The following ZMAT4 variants were observed in gnomAD, a reference collection of about 807,000 sequenced individuals.
ZMAT4 encodes the protein zinc finger matrin-type protein 4.
ZMAT4 carries 17 observed loss-of-function variants against 28.7 expected under a neutral mutation model. The observed-to-expected ratio is 0.59, with a 90% CI of 0.41 to 0.89. The LOEUF is 0.89. Ranked by LOEUF, ZMAT4 falls within the 40% of genes least tolerant of loss-of-function variation. The pLI is 0.00. For missense variants in ZMAT4, 240 were observed against 283.8 expected (o/e 0.85, Z 1.11); for synonymous variants, 117 against 109.2 (o/e 1.07, Z -0.44).
intron 3 of ZMAT4, among the ~76,000 whole-genome samples, chr8:40,700,211 C>G (rs1810073125): frequency 6.6e-6 from 1 of 151,724 alleles, no homozygotes; most frequent in African/African-American, 2.4e-5. Flanking sequence ...GAACTAGAGT[C>G]TCATATTGGA....
intron 5 of ZMAT4, among the ~76,000 whole-genome samples, chr8:40,604,972 T>A (rs534205873): frequency 6.6e-6 from 1 of 152,128 alleles, no homozygotes; most frequent in Non-Finnish European, 1.5e-5. Flanking sequence ...TATGCATAAA[T>A]GTGCTCATAG....
intron 3 of ZMAT4, among the ~76,000 whole-genome samples, chr8:40,708,125 C>T (rs1396540520): frequency 1.3e-5 from 2 of 152,160 alleles, no homozygotes; most frequent in Non-Finnish European, 1.5e-5. Flanking sequence ...CCAGTAATAG[C>T]ACAAAATCTG....
chr8:40,849,359 G>A (rs556729233), intron 1 of ZMAT4, among the ~76,000 whole-genome samples: 14 of 152,232 alleles, frequency 9.2e-5, no homozygotes, highest in African/African-American at 2.9e-4. Context: ...TTATTTACTC[G>A]TAACATATTT....
chr8:40,813,372 G>A (rs1018060389), intron 2 of ZMAT4, among the ~76,000 whole-genome samples: 2 of 152,214 alleles, frequency 1.3e-5, no homozygotes, highest in East Asian at 1.9e-4. Flanking sequence ...AGGGTAAAGT[G>A]ATTTAGCTAA....
At chr8:40,655,590 G>A (rs190480351) in intron 5 of ZMAT4, among the ~76,000 whole-genome samples, 204 of 149,912 alleles carry the variant, frequency 1.4e-3, no homozygotes, top group African/African-American at 4.7e-3. Context: ...ATTGTGCGGT[G>A]TTGCAGAAAA....
At chr8:40,628,136 A>C (rs1806442521) in intron 5 of ZMAT4, among the ~76,000 whole-genome samples, 1 of 152,210 alleles carries the variant, frequency 6.6e-6, no homozygotes, top group African/African-American at 2.4e-5. Context: ...TCTCGATCAT[A>C]GCATGCCTCA....
At chr8:40,823,208 A>C (rs1043727934) in intron 2 of ZMAT4, among the ~76,000 whole-genome samples, 2 of 152,122 alleles carry the variant, frequency 1.3e-5, no homozygotes, top group Admixed American at 1.3e-4. Flanking sequence ...AGATCAAATG[A>C]ATAAAACTCT....
intron 1 of ZMAT4, among the ~76,000 whole-genome samples, chr8:40,855,417 C>T (rs983147844): frequency 1.5e-4 from 23 of 152,112 alleles, no homozygotes; most frequent in Admixed American, 4.6e-4. Context: ...GGGCCCAAGA[C>T]ATCTTTAACA....
At chr8:40,659,367 C>CA (rs1447512967) in intron 5 of ZMAT4, among the ~76,000 whole-genome samples, 1 of 152,124 alleles carries the variant, frequency 6.6e-6, no homozygotes, top group Non-Finnish European at 1.5e-5. Context: ...CAAAGTTCCT[C>CA]ATATGTTGTT....
chr8:40,667,575 T>C (rs2118877211), intron 5 of ZMAT4, among the ~76,000 whole-genome samples: 1 of 152,228 alleles, frequency 6.6e-6, no homozygotes, highest in South Asian at 2.1e-4. Flanking sequence ...CCCCAGTAAA[T>C]TGTGTACTGC....
At position 40,626,735 on chromosome 8, in the gene ZMAT4, A is replaced by C. The variant is rs191608432; in HGVS notation, c.578-45474T>G. On this transcript the variant is annotated intron_variant, in intron 5 of 6. Transcript: ENST00000297737. ...AATAAAAATGTCCATGGATCTTTAG[A>C]GAAGGCAAAGCAACACTGGGATTGC... Among the ~76,000 whole-genome samples, 436 of 152,294 alleles carry C rather than the reference A, an allele frequency of 2.9e-3. 4 individuals are homozygous for C. The highest frequency in any genetic ancestry group is 9.9e-3 in the African/African-American group (411 of 41,578).
At chr8:40,881,552 A>AAG (rs1818258452) in intron 1 of ZMAT4, among the ~76,000 whole-genome samples, 1 of 85,068 alleles carries the variant, frequency 1.2e-5, no homozygotes, top group Non-Finnish European at 2.5e-5. Flanking sequence ...GAAAGAAAGA[A>AAG]AGAAAGAAAG....
chr8:40,697,519 C>T, intron 3 of ZMAT4, 118 bp from the exon 4 acceptor site: 1 of 1,098,288 alleles, frequency 9.1e-7, no homozygotes. Context: ...TGCAAGCTGT[C>T]TCTCTCTCTT....
At chr8:40,670,077 A>C (rs1585852098) in intron 5 of ZMAT4, among the ~76,000 whole-genome samples, 1 of 152,204 alleles carries the variant, frequency 6.6e-6, no homozygotes, top group Non-Finnish European at 1.5e-5. Context: ...CATTTAAAGG[A>C]TTTAGAACAG....
intron 6 of ZMAT4, among the ~76,000 whole-genome samples, chr8:40,551,189 A>G (rs559253513): frequency 8.7e-4 from 133 of 152,312 alleles, no homozygotes; most frequent in African/African-American, 3.2e-3. Flanking sequence ...ATGCTAAAAG[A>G]GTTAATGTTT....
At chr8:40,554,199 G>A (rs1803453682) in intron 6 of ZMAT4, among the ~76,000 whole-genome samples, 1 of 151,986 alleles carries the variant, frequency 6.6e-6, no homozygotes, top group African/African-American at 2.4e-5. Flanking sequence ...AAAGTTTTTT[G>A]TGTTTGGGTA....
intron 5 of ZMAT4, among the ~76,000 whole-genome samples, chr8:40,645,467 G>C (rs1390559460): frequency 6.6e-6 from 1 of 152,092 alleles, no homozygotes; most frequent in African/African-American, 2.4e-5. Context: ...AGAACACACA[G>C]AAAATATAGG....
At chr8:40,732,288 GAAGA>G (rs1811573725) in intron 3 of ZMAT4, among the ~76,000 whole-genome samples, 1 of 57,752 alleles carries the variant, frequency 1.7e-5, no homozygotes, top group Admixed American at 2.0e-4. Flanking sequence ...AGGGACCTTA[GAAGA>G]GTGCCTACAA....
intron 6 of ZMAT4, among the ~76,000 whole-genome samples, chr8:40,578,568 A>G (rs1243682485): frequency 6.6e-6 from 1 of 152,192 alleles, no homozygotes; most frequent in Non-Finnish European, 1.5e-5. Flanking sequence ...AGACAAAAGA[A>G]TTGAACAAAC....
Sources: allele counts gnomAD v4.1 joint callset (sites outside exome capture counted in the v4.1 genomes callset), GRCh38; gene constraint gnomAD v4.1.1; transcripts MANE v1.5; gene names NCBI Gene and HGNC (gene_info 2026-07-23, HGNC 2026-07-21).